The following FOCAD variants were observed in gnomAD, a reference collection of about 807,000 sequenced individuals.
FOCAD encodes the protein KIAA1797.
FOCAD carries 198 observed loss-of-function variants against 225.6 expected under a neutral mutation model. The observed-to-expected ratio is 0.88, with a 90% CI of 0.78 to 0.99. The LOEUF (loss-of-function observed/expected upper bound fraction) is 0.99. Among genes scored for constraint, FOCAD ranks in the 50% least tolerant of loss-of-function variants. The pLI, the probability that FOCAD is intolerant of heterozygous loss-of-function variation, is 0.00. For missense variants in FOCAD, 2,713 were observed against 2,123.6 expected, an observed-to-expected ratio of 1.28 and a Z score of -5.46; for synonymous variants, 897 against 755.0, an observed-to-expected ratio of 1.19 and a Z score of -3.08.
chr9:20,770,342 A>G lies in FOCAD; in HGVS notation c.906+104A>G, dbSNP rs1818082310. 60 of 1,042,096 alleles carry G rather than the reference A, an allele frequency of 5.8e-5. No homozygotes were observed. The South Asian group carries it at 8.1e-4, about 14-fold the overall frequency. 64.6% of individuals were successfully genotyped at this position (1,042,096 alleles called of 1,614,324 possible). A position where few individuals can be genotyped will look rare whatever the true frequency, so the allele number is the denominator to read the frequency against. ...AGGTTTAATTGGCTTACAGTCTGGCAGGCTGTACAGGATGCATGGTGCTGG... is the reference window on the plus strand; with the variant it reads ...AGGTTTAATTGGCTTACAGTCTGGCGGGCTGTACAGGATGCATGGTGCTGG... On this transcript the variant is annotated intron_variant, in intron 8 of 43. Transcript: ENST00000338382.
chr9:20,722,982 T>C (rs1208590413), intron 4 of FOCAD, among the ~76,000 whole-genome samples: 1 of 152,160 alleles, frequency 6.6e-6, no homozygotes, highest in African/African-American at 2.4e-5. Flanking sequence ...TTCTGTGTAT[T>C]TGAGGTGTAA....
At chr9:20,717,337 C>T (rs1206468170) in intron 2 of FOCAD, among the ~76,000 whole-genome samples, 1 of 152,202 alleles carries the variant, frequency 6.6e-6, no homozygotes, top group Non-Finnish European at 1.5e-5. Context: ...AACCCGTACA[C>T]AGAATGGCAA....
At position 20,878,479 on chromosome 9, in the gene FOCAD, G is replaced by A. The variant is rs149055458; in HGVS notation, c.2318-3392G>A. Among the ~76,000 whole-genome samples, 337 of 152,162 alleles carry A rather than the reference G, an allele frequency of 2.2e-3. 2 individuals carry two copies. Among genetic ancestry groups the A allele is most frequent in the African/African-American group, 7.6e-3 (316 of 41,504 alleles). On this transcript the variant is annotated intron_variant, in intron 19 of 43. Transcript: ENST00000338382. ...GCTGCATCAATAATAATTAACTTTCGAACTTCTTTCACCATTAAGTAGCCT... is the reference window on the plus strand; with the variant it reads ...GCTGCATCAATAATAATTAACTTTCAAACTTCTTTCACCATTAAGTAGCCT...
intron 20 of FOCAD, among the ~76,000 whole-genome samples, chr9:20,883,030 A>G (rs1830807972): frequency 6.6e-6 from 1 of 152,166 alleles, no homozygotes; most frequent in South Asian, 2.1e-4. Context: ...GGTTGAGGTA[A>G]TCAGTCCTTC....
At chr9:20,872,552 G>A (rs1187668600) in intron 18 of FOCAD, among the ~76,000 whole-genome samples, 1 of 125,510 alleles carries the variant, frequency 8.0e-6, no homozygotes, top group Non-Finnish European at 1.6e-5. Flanking sequence ...CTCCTCTTCT[G>A]CATGCCTACA....
intron 42 of FOCAD, 69 bp from the exon 43 acceptor site, chr9:20,993,184 A>G (rs1841810598): frequency 7.6e-7 from 1 of 1,310,204 alleles, no homozygotes; most frequent in Non-Finnish European, 1.1e-6. Context: ...TATAGGTCCA[A>G]GGGAATAACT....
chr9:20,764,927 C>T lies in FOCAD; in HGVS notation c.553C>T (p.Pro185Ser). ...ATTTCTGTGGTATCTGTATTGTGAA[C>T]CATCTCAGTTACAAGAATATGCTAA... ...APFLWYLYCE[P>S]SQLQEYAKLR... The change falls in exon 7 of 44, where the codon CCA becomes TCA. Residue 185 changes from proline to serine, a missense_variant. Pro to Ser is a moderately conservative substitution (Grantham distance 74, BLOSUM62 -1). Transcript: ENST00000338382. The T allele has an allele frequency of 6.2e-7, 1 of 1,614,080 alleles. No individual in the cohort carries two copies. The highest frequency in any genetic ancestry group is 8.5e-7 in the Non-Finnish European group (1 of 1,180,012).
intron 1 of FOCAD, among the ~76,000 whole-genome samples, chr9:20,694,733 T>C (rs937540630): frequency 6.6e-6 from 1 of 152,226 alleles, no homozygotes; most frequent in Admixed American, 6.5e-5. Flanking sequence ...ATCTTGTTTT[T>C]CTCTCTAACA....
At chr9:20,885,382 A>C in intron 21 of FOCAD, 152 bp downstream of exon 21, 1 of 619,484 alleles carries the variant, frequency 1.6e-6, no homozygotes, top group Non-Finnish European at 2.3e-6. Flanking sequence ...CTGAATACTC[A>C]AATATTTCAA....
intron 16 of FOCAD, 57 bp from the exon 17 acceptor site, chr9:20,865,869 T>G (rs946124294): frequency 7.9e-7 from 1 of 1,259,718 alleles, no homozygotes; most frequent in East Asian, 2.4e-5. Flanking sequence ...TTGGATTATT[T>G]AGTCTCAGTT....
intron 27 of FOCAD, 122 bp from the exon 28 acceptor site, chr9:20,932,890 CTT>C (rs112589234): frequency 5.5e-5 from 34 of 617,590 alleles, no homozygotes; most frequent in Non-Finnish European, 9.0e-5. Flanking sequence ...AATATTGTCA[CTT>C]TTTTTTTTAA....
At chr9:20,954,461 A>T (rs6475494) in intron 35 of FOCAD, among the ~76,000 whole-genome samples, 106,264 of 152,000 alleles carry the variant, frequency 0.7, 37,466 homozygotes, top group East Asian at 0.9. Flanking sequence ...CTTAAGGTCA[A>T]GTAGAAGATA....
At chr9:20,663,272 T>C (rs1821789537) in intron 2 of FOCAD, among the ~76,000 whole-genome samples, 1 of 152,064 alleles carries the variant, frequency 6.6e-6, no homozygotes, top group South Asian at 2.1e-4. Flanking sequence ...CATGTCTGTA[T>C]TCCTGAGCTC....
intron 5 of FOCAD, among the ~76,000 whole-genome samples, chr9:20,741,053 C>T (rs1449186398): frequency 2.6e-5 from 4 of 152,092 alleles, no homozygotes; most frequent in Non-Finnish European, 5.9e-5. Context: ...GAACTCTGTT[C>T]AGTGAGGCAT....
chr9:20,803,221 A>T (rs1822035035), intron 11 of FOCAD, among the ~76,000 whole-genome samples: 1 of 151,950 alleles, frequency 6.6e-6, no homozygotes, highest in Non-Finnish European at 1.5e-5. Flanking sequence ...AAGAGGGAGG[A>T]TTGCTGGGGA....
At chr9:20,871,827 G>A (rs1829801516) in intron 18 of FOCAD, among the ~76,000 whole-genome samples, 1 of 149,004 alleles carries the variant, frequency 6.7e-6, no homozygotes, top group Admixed American at 6.7e-5. Flanking sequence ...GTTAATGGGT[G>A]CAGCACACCA....
chr9:20,981,711 C>T (rs892624077), intron 38 of FOCAD, 25 bp downstream of exon 38: 2 of 1,590,486 alleles, frequency 1.3e-6, no homozygotes, highest in African/African-American at 1.4e-5. Flanking sequence ...TATTTACATT[C>T]CTGACAATTT....
At chr9:20,917,837 C>G (rs1354304391) in intron 24 of FOCAD, among the ~76,000 whole-genome samples, 2 of 152,150 alleles carry the variant, frequency 1.3e-5, no homozygotes, top group African/African-American at 4.8e-5. Flanking sequence ...AGCTTTCTAT[C>G]AATAATTTCT....
intron 32 of FOCAD, 37 bp from the exon 33 acceptor site, chr9:20,949,567 G>A (rs55832204): frequency 6.5e-7 from 1 of 1,546,594 alleles, no homozygotes; most frequent in Non-Finnish European, 8.9e-7. Flanking sequence ...TTTTTTATGG[G>A]GGTGGGTGGG....
Sources: allele counts gnomAD v4.1 joint callset (sites outside exome capture counted in the v4.1 genomes callset), GRCh38; gene constraint gnomAD v4.1.1; transcripts MANE v1.5; gene names NCBI Gene and HGNC (gene_info 2026-07-23, HGNC 2026-07-21).